Variants in VPS53 observed in about 807,000 individuals in gnomAD.
VPS53 encodes VPS53 subunit of GARP complex.
In VPS53, 70 loss-of-function variants were observed where a neutral mutation model predicts 107.0. The observed-to-expected ratio is 0.65, with a 90% CI of 0.54 to 0.80. The LOEUF (loss-of-function observed/expected upper bound fraction) is 0.80. Ranked by LOEUF, VPS53 falls within the 30% of genes least tolerant of loss-of-function variation. VPS53 has a pLI of 0.00. For missense variants in VPS53, 917 were observed against 1,049.4 expected, an observed-to-expected ratio of 0.87 and a Z score of 1.74; for synonymous variants, 409 against 393.3, an observed-to-expected ratio of 1.04 and a Z score of -0.47.
At chr17:552,870 C>T in intron 16 of VPS53, 1 of 426,658 alleles carries the variant, frequency 2.3e-6, no homozygotes, top group East Asian at 3.7e-5. Flanking sequence ...CTGAGGCACG[C>T]TGCTGTGTAG....
At position 656,829 on chromosome 17, in the gene VPS53, C is replaced by T. The variant is rs868454229; in HGVS notation, c.373-876G>A. 5 of 1,585,484 alleles carry T rather than the reference C, an allele frequency of 3.2e-6. No homozygotes were observed. In the Middle Eastern group the frequency reaches 6.7e-4, roughly 211 times the overall value. On this transcript the variant is annotated intron_variant, in intron 5 of 21. Transcript: ENST00000437048. Reference sequence around the variant, plus strand: ...CTCTGTTTGGCCGCCAGTCTCTTGTCTCTCTCTTCAGCAATGGTGAGGCGG... The same window carrying T: ...CTCTGTTTGGCCGCCAGTCTCTTGTTTCTCTCTTCAGCAATGGTGAGGCGG...
At chr17:545,219 C>T (rs1319958717) in intron 17 of VPS53, among the ~76,000 whole-genome samples, 1 of 152,194 alleles carries the variant, frequency 6.6e-6, no homozygotes, top group Non-Finnish European at 1.5e-5. Context: ...ATTTTCCTCC[C>T]CCTTCTTCGG....
In VPS53 at chr17:537,013, C is replaced by T. The variant is rs753268054; in HGVS notation, c.2015+15G>A. ...AAGAACAAGAACCCAGAGATGAGCA[C>T]GCCCCAGGACTTACTTTGCAAATTT... On this transcript the variant is annotated intron_variant, in intron 18 of 21. Coordinates refer to ENST00000437048, the MANE Select transcript of VPS53 (RefSeq NM_001128159.3). The T allele has an allele frequency of 3.4e-5, 55 of 1,613,468 alleles. No individual in the cohort carries two copies. Among genetic ancestry groups the T allele is most frequent in the Non-Finnish European group, 4.4e-5 (52 of 1,179,746 alleles).
chr17:567,024 C>G (rs1018897003), intron 13 of VPS53, among the ~76,000 whole-genome samples: 1 of 152,088 alleles, frequency 6.6e-6, no homozygotes, highest in African/African-American at 2.4e-5. Context: ...GGATTACAGG[C>G]GTGAGCCACT....
In VPS53 at chr17:695,874, A is replaced by G. The variant is rs73283531; in HGVS notation, c.285+1544T>C. On this transcript the variant is annotated intron_variant, in intron 4 of 21. Coordinates refer to ENST00000437048, the MANE Select transcript of VPS53 (RefSeq NM_001128159.3). ...GCCTTGGATTTCATTTAGTGGCCAG[A>G]GCTGATACGGTGTCTGAAGAGGTAG... Among the ~76,000 whole-genome samples, 1,510 of 152,260 alleles carry G rather than the reference A, an allele frequency of 9.9e-3. 25 individuals are homozygous for G. The highest frequency in any genetic ancestry group is 0.034 in the African/African-American group (1,413 of 41,542).
chr17:671,706 C>T (rs1309324545), intron 4 of VPS53, among the ~76,000 whole-genome samples: 1 of 138,684 alleles, frequency 7.2e-6, no homozygotes, highest in Non-Finnish European at 1.6e-5. Context: ...TTTCCCATGA[C>T]TTTTTTTTTT....
intron 11 of VPS53, among the ~76,000 whole-genome samples, chr17:605,624 G>A (rs1329433274): frequency 1.4e-5 from 2 of 144,294 alleles, no homozygotes; most frequent in African/African-American, 5.2e-5. Context: ...TAAGAGGGGT[G>A]GCGAGAGTCC....
In VPS53 at chr17:628,018, T is replaced by G. The variant is rs116722145; in HGVS notation, c.831+70A>C. 8.3e-4 allele frequency: 1,226 copies of G among 1,469,840 alleles called. 9 individuals carry two copies. In the African/African-American group the frequency reaches 0.015, roughly 18 times the overall value. The allele number at this position is 1,469,840 out of a possible 1,614,324, so 91.0% of individuals were successfully genotyped here. On this transcript the variant is annotated intron_variant, in intron 9 of 21. Transcript: ENST00000437048. ...TCATGTAATACGAGGTCTAAATTAG[T>G]AGGCTTGACAGCACTCATGTTTCAA...
At chr17:529,123 A>G (rs1909335241) in intron 19 of VPS53, among the ~76,000 whole-genome samples, 1 of 152,284 alleles carries the variant, frequency 6.6e-6, no homozygotes, top group East Asian at 1.9e-4. Flanking sequence ...ATTACCCAGC[A>G]CTATTTACTG....
chr17:625,604 C>T (rs1418890184), intron 10 of VPS53, among the ~76,000 whole-genome samples: 2 of 152,080 alleles, frequency 1.3e-5, no homozygotes, highest in African/African-American at 2.4e-5. Context: ...ATAAATGCAT[C>T]GCTCTGGCGG....
At chr17:665,995 ACT>A (rs1442886922) in intron 4 of VPS53, among the ~76,000 whole-genome samples, 5 of 151,818 alleles carry the variant, frequency 3.3e-5, no homozygotes, top group Non-Finnish European at 5.9e-5. Flanking sequence ...TAAGAGCAAA[ACT>A]CTGTCCCGAC....
intron 7 of VPS53, among the ~76,000 whole-genome samples, chr17:642,560 A>AAGGACAACACTCATACTTGGCAACTG (rs1567700662): frequency 3.3e-5 from 4 of 121,036 alleles, no homozygotes; most frequent in Non-Finnish European, 5.3e-5. Flanking sequence ...CTTGGAAATC[A>AAGGACAACACTCATACTTGGCAACTG]AGGACAACAC....
intron 12 of VPS53, among the ~76,000 whole-genome samples, chr17:590,699 G>A (rs1407522648): frequency 3.9e-4 from 57 of 145,888 alleles, no homozygotes; most frequent in South Asian, 1.8e-3. Flanking sequence ...TGCGTATATT[G>A]AACCAGCCTT....
At chr17:641,107 C>T (rs1486779868) in intron 7 of VPS53, among the ~76,000 whole-genome samples, 1 of 152,128 alleles carries the variant, frequency 6.6e-6, no homozygotes, top group South Asian at 2.1e-4. Flanking sequence ...CCACCCACCT[C>T]GGCCTCCCAA....
intron 5 of VPS53, 90 bp downstream of exon 5, chr17:661,719 T>C: frequency 7.9e-7 from 1 of 1,272,852 alleles, no homozygotes; most frequent in South Asian, 1.4e-5. Context: ...GGAGGTGCCA[T>C]TATTAGAAAA....
In VPS53 at chr17:623,600, C is replaced by T; in HGVS notation, c.1049G>A (p.Arg350Lys). 6.2e-7 allele frequency: 1 copy of T among 1,613,984 alleles called. No homozygotes were observed. The highest frequency in any genetic ancestry group is 8.5e-7 in the Non-Finnish European group (1 of 1,179,894). The change falls in exon 11 of 22, where the codon AGA (arginine) becomes AAA (lysine). Residue 350 changes from arginine to lysine, a missense_variant. Physicochemically the swap from Arg to Lys is conservative, Grantham distance 26. Coordinates refer to ENST00000437048, the MANE Select transcript of VPS53 (RefSeq NM_001128159.3). ...AAGAAACCCCTCAAAGTTAGTTGTT[C>T]TTTGAATAGCAAAAAGAAGCAATTT... ...EVKLLLFAIQ[R>K]TTNFEGFLAK...
chr17:687,954 T>C (rs1304889433), intron 4 of VPS53, among the ~76,000 whole-genome samples: 5 of 152,150 alleles, frequency 3.3e-5, no homozygotes, highest in Non-Finnish European at 7.4e-5. Flanking sequence ...TCACTGAAGA[T>C]ATCTAACTAC....
chr17:553,483 T>C (rs768606719), intron 15 of VPS53, 21 bp from the exon 16 acceptor site: 30 of 1,558,674 alleles, frequency 1.9e-5, no homozygotes. Context: ...ACAGAAGAAA[T>C]GGATGCACGG....
chr17:675,108 A>G (rs1253701127), intron 4 of VPS53: 6 of 152,232 alleles, frequency 3.9e-5, no homozygotes, highest in Non-Finnish European at 7.3e-5. Context: ...ATGAATCAAG[A>G]ACAGATCAGC....
Sources: gnomAD v4.1 joint callset for allele counts (sites outside exome capture counted in the v4.1 genomes callset) on GRCh38, gnomAD v4.1.1 for gene constraint, MANE v1.5 for transcripts, NCBI Gene and HGNC (gene_info 2026-07-23, HGNC 2026-07-21) for gene names.